ALCAM: variants seen among roughly 807,000 people sequenced by gnomAD.
The protein encoded by ALCAM is CD166 antigen.
ALCAM carries 30 observed loss-of-function variants against 70.9 expected under a neutral mutation model. The observed-to-expected ratio is 0.42, with a 90% CI of 0.32 to 0.57. ALCAM has a LOEUF of 0.57. ALCAM is among the 20% of genes least tolerant of loss of function. The probability of loss-of-function intolerance (pLI) is 0.11; values close to 1 mark genes in which losing one functional copy is unlikely to be tolerated. For missense variants in ALCAM, 591 were observed against 695.1 expected, an observed-to-expected ratio of 0.85 and a Z score of 1.68; for synonymous variants, 249 against 242.5, an observed-to-expected ratio of 1.03 and a Z score of -0.25.
chr3:105,538,076 G>A (rs559143812), intron 6 of ALCAM, among the ~76,000 whole-genome samples: 1 of 152,172 alleles, frequency 6.6e-6, no homozygotes, highest in African/African-American at 2.4e-5. Context: ...ATGTGTAACA[G>A]ATTTTGAGTA....
At chr3:105,454,762 G>T (rs531840819) in intron 1 of ALCAM, among the ~76,000 whole-genome samples, 15 of 137,400 alleles carry the variant, frequency 1.1e-4, no homozygotes, top group Non-Finnish European at 2.3e-4. Context: ...TCTACCTTCC[G>T]GTTTCAAGTG....
intron 14 of ALCAM, among the ~76,000 whole-genome samples, chr3:105,563,900 G>A: frequency 6.8e-6 from 1 of 147,990 alleles, no homozygotes; most frequent in South Asian, 2.1e-4. Flanking sequence ...TGTTAGCCAG[G>A]ATGGTCTCGA....
intron 1 of ALCAM, among the ~76,000 whole-genome samples, chr3:105,404,550 T>C (rs760354550): frequency 6.6e-6 from 1 of 151,998 alleles, no homozygotes; most frequent in African/African-American, 2.4e-5. Flanking sequence ...AATTTGCCAC[T>C]ACCAAGCCAG....
chr3:105,377,731 G>A (rs548105554), intron 1 of ALCAM, among the ~76,000 whole-genome samples: 2 of 152,080 alleles, frequency 1.3e-5, no homozygotes, highest in Non-Finnish European at 2.9e-5. Flanking sequence ...CTAACTTTTA[G>A]AACATAAACT....
At chr3:105,477,772 G>GT (rs1938160931) in intron 1 of ALCAM, among the ~76,000 whole-genome samples, 4 of 151,746 alleles carry the variant, frequency 2.6e-5, no homozygotes, top group Admixed American at 2.6e-4. Context: ...TTTTTTTAAT[G>GT]TTTTTTCCAC....
intron 1 of ALCAM, among the ~76,000 whole-genome samples, chr3:105,414,895 T>A (rs1380373809): frequency 6.6e-6 from 1 of 152,078 alleles, no homozygotes; most frequent in Non-Finnish European, 1.5e-5. Context: ...TTGTTTAAGA[T>A]ATGTCTGCAG....
chr3:105,559,102 C>T (rs972775664), intron 14 of ALCAM, among the ~76,000 whole-genome samples: 9 of 150,486 alleles, frequency 6.0e-5, no homozygotes, highest in African/African-American at 2.2e-4. Flanking sequence ...AAAAGAGGCA[C>T]CGATGAGGAA....
chr3:105,497,330 C>T (rs1938774637), intron 1 of ALCAM, among the ~76,000 whole-genome samples: 1 of 152,090 alleles, frequency 6.6e-6, no homozygotes, highest in Admixed American at 6.5e-5. Context: ...GTTCTTTTGC[C>T]TTCATATTTG....
chr3:105,531,882 T>A (rs1356996382), intron 3 of ALCAM, 120 bp from the exon 4 acceptor site: 7 of 844,808 alleles, frequency 8.3e-6, no homozygotes, highest in Non-Finnish European at 1.4e-5. Context: ...CGAAATCTAT[T>A]TTTATTCTGT....
At chr3:105,543,221 C>G (rs1456005195) in intron 8 of ALCAM, among the ~76,000 whole-genome samples, 4 of 151,562 alleles carry the variant, frequency 2.6e-5, no homozygotes, top group Non-Finnish European at 5.9e-5. Context: ...ACTGACAAAG[C>G]AAAAGACTTG....
rs767532712 is a variant in ALCAM at position 105,532,076 on chromosome 3, G to A, written c.459+10G>A. Reference sequence around the variant, plus strand: ...AGAGCAGCTAAAAAAGGTAAGAATTGTTTTTGATTAATACCTTTATTTAGC... The same window carrying A: ...AGAGCAGCTAAAAAAGGTAAGAATTATTTTTGATTAATACCTTTATTTAGC... On this transcript the variant is annotated intron_variant, in intron 4 of 15. Coordinates refer to ENST00000306107, the MANE Select transcript of ALCAM (RefSeq NM_001627.4). The A allele has an allele frequency of 1.2e-6, 2 of 1,609,554 alleles. No homozygotes were observed. The highest frequency in any genetic ancestry group is 2.2e-5 in the South Asian group (2 of 90,826).
intron 14 of ALCAM, among the ~76,000 whole-genome samples, chr3:105,558,736 C>A (rs1256283989): frequency 6.6e-6 from 1 of 152,148 alleles, no homozygotes; most frequent in Non-Finnish European, 1.5e-5. Flanking sequence ...TTTAAACTCT[C>A]TTCTGCTGCT....
chr3:105,416,106 T>C (rs2107405275), intron 1 of ALCAM, among the ~76,000 whole-genome samples: 1 of 152,174 alleles, frequency 6.6e-6, no homozygotes. Context: ...CCTGATTCTT[T>C]GCTGCATCTG....
intron 1 of ALCAM, among the ~76,000 whole-genome samples, chr3:105,480,559 A>G (rs766994352): frequency 6.6e-6 from 1 of 152,162 alleles, no homozygotes; most frequent in Non-Finnish European, 1.5e-5. Flanking sequence ...AGAAAATCAT[A>G]GTGCTCAGAT....
chr3:105,436,716 C>T (rs1937057297), intron 1 of ALCAM, among the ~76,000 whole-genome samples: 1 of 152,070 alleles, frequency 6.6e-6, no homozygotes, highest in Non-Finnish European at 1.5e-5. Flanking sequence ...TCTTATGATT[C>T]AATAAGATGG....
At chr3:105,533,518 C>A in intron 4 of ALCAM, 85 bp from the exon 5 acceptor site, 1 of 1,127,090 alleles carries the variant, frequency 8.9e-7, no homozygotes, top group Non-Finnish European at 1.3e-6. Flanking sequence ...CTTGGAATAA[C>A]TCTGCATTGC....
At chr3:105,542,231 G>T (rs1468068157) in intron 8 of ALCAM, among the ~76,000 whole-genome samples, 1 of 151,812 alleles carries the variant, frequency 6.6e-6, no homozygotes, top group Non-Finnish European at 1.5e-5. Context: ...ATCATTAGAA[G>T]TTATTTATTG....
chr3:105,568,534 G>A (rs1219352231), intron 14 of ALCAM, among the ~76,000 whole-genome samples: 3 of 152,168 alleles, frequency 2.0e-5, no homozygotes, highest in African/African-American at 7.2e-5. Context: ...AGGCTTCTAA[G>A]CCTTCTGGTA....
chr3:105,466,413 C>T (rs971331658), intron 1 of ALCAM, among the ~76,000 whole-genome samples: 3 of 151,466 alleles, frequency 2.0e-5, no homozygotes, highest in African/African-American at 2.4e-5. Flanking sequence ...TTTTATTTAA[C>T]GATTACTGAT....
Sources: gnomAD v4.1 joint callset for allele counts (sites outside exome capture counted in the v4.1 genomes callset) on GRCh38, gnomAD v4.1.1 for gene constraint, MANE v1.5 for transcripts, NCBI Gene and HGNC (gene_info 2026-07-23, HGNC 2026-07-21) for gene names.